Variants in INTS4 observed in about 807,000 individuals in gnomAD.
INTS4 encodes the protein integrator complex subunit 4, also known as MSTP093.
INTS4 carries 70 observed loss-of-function variants against 119.5 expected under a neutral mutation model. The ratio of observed to expected loss-of-function variants is 0.59; its 90% confidence interval spans 0.48 to 0.71. The LOEUF is 0.71. INTS4 is among the 30% of genes least tolerant of loss of function. The pLI, the probability that INTS4 is intolerant of heterozygous loss-of-function variation, is 0.00. For missense variants in INTS4, 867 were observed against 1,173.2 expected (o/e 0.74, Z 3.81); for synonymous variants, 316 against 419.6 (o/e 0.75, Z 3.02).
intron 15 of INTS4, among the ~76,000 whole-genome samples, chr11:77,913,207 G>A (rs995843673): frequency 6.6e-6 from 1 of 151,898 alleles, no homozygotes; most frequent in African/African-American, 2.4e-5. Flanking sequence ...CTTCAACCCT[G>A]CCTGCTAGTG....
At chr11:77,894,155 G>C (rs188639610) in intron 19 of INTS4, 135 bp downstream of exon 19, 1 of 526,484 alleles carries the variant, frequency 1.9e-6, no homozygotes, top group South Asian at 2.7e-5. Context: ...TAAGGTTAAC[G>C]ACATGGCCAC....
chr11:77,878,681 G>A, downstream of INTS4: 1 of 675,920 alleles, frequency 1.5e-6, no homozygotes. Context: ...TGAAGCTATA[G>A]CCACACGCAT....
chr11:77,891,542 T>TA (rs1046502652), intron 20 of INTS4, 80 bp from the exon 21 acceptor site: 3 of 1,578,538 alleles, frequency 1.9e-6, no homozygotes, highest in South Asian at 2.3e-5. Context: ...TCTGTCTCCT[T>TA]ATCTAATGAG....
Position 77,967,000 on chromosome 11 carries a change from C to CT in INTS4, c.472-5863dup, listed in dbSNP as rs971493479. Among the ~76,000 whole-genome samples, 10 of 151,778 alleles carry CT rather than the reference C, an allele frequency of 6.6e-5. No homozygotes were observed. The East Asian group carries it at 7.7e-4, about 12-fold the overall frequency. Reference sequence around the variant, plus strand: ...ACAAGGGTTCCAATCCTTGCCAATACTTTTTTTTTCTTTTTGGCAATAGCT... The same window carrying CT: ...ACAAGGGTTCCAATCCTTGCCAATACTTTTTTTTTTCTTTTTGGCAATAGCT... On this transcript the variant is annotated intron_variant, in intron 4 of 22. Coordinates refer to ENST00000534064, the MANE Select transcript of INTS4 (RefSeq NM_033547.4).
At chr11:77,969,419 C>T (rs1256983010) in intron 4 of INTS4, among the ~76,000 whole-genome samples, 4 of 152,200 alleles carry the variant, frequency 2.6e-5, no homozygotes, top group Admixed American at 6.5e-5. Context: ...CTCGCTCTGT[C>T]GCCCAGGGTG....
intron 10 of INTS4, among the ~76,000 whole-genome samples, chr11:77,938,273 A>C (rs1668327): frequency 6.6e-6 from 1 of 152,044 alleles, no homozygotes; most frequent in Non-Finnish European, 1.5e-5. Flanking sequence ...TCAAGTTATT[A>C]TTTTTATTAA....
intron 2 of INTS4, among the ~76,000 whole-genome samples, chr11:77,985,505 T>C (rs889404634): frequency 2.0e-5 from 3 of 152,336 alleles, no homozygotes; most frequent in East Asian, 1.9e-4. Context: ...CACTCTATAA[T>C]GCATTTCTGG....
At chr11:77,963,352 C>CAAAAAAAA (rs777966254) in intron 4 of INTS4, 196 of 177,374 alleles carry the variant, frequency 1.1e-3, no homozygotes, top group South Asian at 2.2e-3. Flanking sequence ...GACTCCGTCT[C>CAAAAAAAA]AAAAAAAAAA....
chr11:77,918,270 A>G (rs1268253463), intron 15 of INTS4: 5 of 500,000 alleles, frequency 1.0e-5, no homozygotes, highest in African/African-American at 2.0e-5. Context: ...CGACTCTACA[A>G]AAAAAAAAAA....
At chr11:77,884,087 T>A in intron 21 of INTS4, 135 bp from the exon 22 acceptor site, 1 of 819,622 alleles carries the variant, frequency 1.2e-6, no homozygotes, top group Middle Eastern at 2.4e-4. Context: ...GCCTTGGGGG[T>A]AGGTCAACAC....
rs7928735 is a variant in INTS4, at chr11:77,967,390, C to T, written c.472-6252G>A. ...CCAGTTAAAGAGCCTTCACTAGGAACTGAATTTGCCAGCACCTTAATCTTA... is the reference window on the plus strand; with the variant it reads ...CCAGTTAAAGAGCCTTCACTAGGAATTGAATTTGCCAGCACCTTAATCTTA... On this transcript the variant is annotated intron_variant, in intron 4 of 22. Transcript: ENST00000534064. Among the ~76,000 whole-genome samples, 443 of 152,286 alleles carry T rather than the reference C, an allele frequency of 2.9e-3. 2 individuals are homozygous for T. Among genetic ancestry groups the T allele is most frequent in the African/African-American group, 9.9e-3 (412 of 41,556 alleles).
At chr11:77,887,260 G>A (rs11600140) in intron 21 of INTS4, among the ~76,000 whole-genome samples, 30,974 of 152,070 alleles carry the variant, frequency 0.2, 3,198 homozygotes, top group Middle Eastern at 0.24. Flanking sequence ...ATGCAAGGCT[G>A]GTTCAACATA....
At chr11:77,890,379 T>C (rs1050166376) in intron 21 of INTS4, among the ~76,000 whole-genome samples, 9 of 152,220 alleles carry the variant, frequency 5.9e-5, no homozygotes, top group Admixed American at 1.3e-4. Flanking sequence ...GTCCCCTTAT[T>C]GTACTTCCTG....
At chr11:77,921,575 T>C (rs1953361171) in intron 13 of INTS4, 102 bp from the exon 14 acceptor site, 1 of 702,212 alleles carries the variant, frequency 1.4e-6, no homozygotes, top group Admixed American at 2.2e-5. Context: ...GAGACTATGA[T>C]TTTCTAATAA....
chr11:77,994,086 G>A (rs1481402881), intron 1 of INTS4, among the ~76,000 whole-genome samples: 1 of 151,950 alleles, frequency 6.6e-6, no homozygotes, highest in Non-Finnish European at 1.5e-5. Context: ...TGTGACCCCC[G>A]CCTGCTTAGA....
At position 77,960,327 on chromosome 11, in the gene INTS4, A is replaced by G. The variant is rs751853125; in HGVS notation, c.708+14T>C. ...TACCTCCAACCCCTTCCAGACAGTA[A>G]TCATATAAGGTACCTGATTATAAAT... On this transcript the variant is annotated intron_variant, in intron 6 of 22. Transcript: ENST00000534064. The G allele has an allele frequency of 1.2e-5, 19 of 1,586,036 alleles. No individual in the cohort carries two copies. The highest frequency in any genetic ancestry group is 1.6e-5 in the Non-Finnish European group (18 of 1,157,040).
chr11:77,949,729 G>T (rs1954141260), intron 8 of INTS4, among the ~76,000 whole-genome samples: 1 of 152,204 alleles, frequency 6.6e-6, no homozygotes, highest in African/African-American at 2.4e-5. Flanking sequence ...AGGTGCTGGA[G>T]AGGATGTGGA....
At chr11:77,938,568 G>C (rs1052187040) in intron 10 of INTS4, 83 bp downstream of exon 10, 2 of 1,514,104 alleles carry the variant, frequency 1.3e-6, no homozygotes, top group East Asian at 4.6e-5. Flanking sequence ...TAAATGAAAC[G>C]ATACATGTGT....
chr11:77,990,978 ACCT>A (rs1856660908), intron 2 of INTS4, 127 bp downstream of exon 2: 1 of 733,698 alleles, frequency 1.4e-6, no homozygotes, highest in East Asian at 2.7e-5. Context: ...TATCCATAGT[ACCT>A]AGCACTTGGA....
Sources: gnomAD v4.1 joint callset for allele counts (sites outside exome capture counted in the v4.1 genomes callset) on GRCh38, gnomAD v4.1.1 for gene constraint, MANE v1.5 for transcripts, NCBI Gene and HGNC (gene_info 2026-07-23, HGNC 2026-07-21) for gene names.